Variants in CCDC148 observed in about 807,000 individuals in gnomAD.
CCDC148 encodes the protein coiled-coil domain-containing protein 148.
Under a neutral mutation model 85.7 loss-of-function variants are expected in CCDC148, and 89 were observed. The observed-to-expected ratio is 1.04, with a 90% CI of 0.87 to 1.24. The LOEUF (loss-of-function observed/expected upper bound fraction) is 1.24. Among genes scored for constraint, CCDC148 ranks in the 50% most tolerant of loss-of-function variants. The pLI is 0.00. For synonymous variants in CCDC148, 230 were observed against 213.9 expected (o/e 1.08, Z -0.66); for missense variants, 692 against 671.7 (o/e 1.03, Z -0.33).
At chr2:158,334,644 C>G (rs1388683040) in intron 7 of CCDC148, among the ~76,000 whole-genome samples, 1 of 151,984 alleles carries the variant, frequency 6.6e-6, no homozygotes, top group East Asian at 1.9e-4. Flanking sequence ...TGCCTATTAT[C>G]TAATGCTATC....
chr2:158,312,196 A>AC (rs1321932777), intron 8 of CCDC148, among the ~76,000 whole-genome samples: 1 of 152,224 alleles, frequency 6.6e-6, no homozygotes, highest in Non-Finnish European at 1.5e-5. Context: ...TCTCACTTAA[A>AC]CTAAGTATCA....
rs1245742522 is a variant in CCDC148 at position 158,176,502 on chromosome 2, T to C, written c.1629+19A>G. 14 of 1,608,290 alleles carry C rather than the reference T, an allele frequency of 8.7e-6. No homozygotes were observed. The highest frequency in any genetic ancestry group is 4.4e-5 in the South Asian group (4 of 90,820). On this transcript the variant is annotated intron_variant, in intron 13 of 13. Transcript: ENST00000283233. Reference sequence around the variant, plus strand: ...ATCATCATGGCTTTTTCATCAGTCATGCTAATTTCCATAATTACCTGCTGT... The same window carrying C: ...ATCATCATGGCTTTTTCATCAGTCACGCTAATTTCCATAATTACCTGCTGT...
chr2:158,180,417 T>C (rs1684840808), intron 11 of CCDC148, among the ~76,000 whole-genome samples: 1 of 152,018 alleles, frequency 6.6e-6, no homozygotes, highest in Non-Finnish European at 1.5e-5. Context: ...CCACTGAGAA[T>C]TTGGAGAAAG....
chr2:158,432,324 C>G (rs893969771), intron 1 of CCDC148, among the ~76,000 whole-genome samples: 2 of 151,552 alleles, frequency 1.3e-5, no homozygotes, highest in African/African-American at 4.8e-5. Flanking sequence ...AATTAAAAGG[C>G]AGAGATTGTC....
intron 1 of CCDC148, among the ~76,000 whole-genome samples, chr2:158,413,800 C>T (rs2105316891): frequency 6.6e-6 from 1 of 152,264 alleles, no homozygotes; most frequent in Admixed American, 6.5e-5. Flanking sequence ...AGGCTGCTGG[C>T]CAGATTTGTC....
intron 12 of CCDC148, 135 bp downstream of exon 12, chr2:158,178,744 A>AGTAT: frequency 3.2e-6 from 2 of 631,438 alleles, no homozygotes; most frequent in Non-Finnish European, 5.6e-6. Flanking sequence ...AATGAACAGC[A>AGTAT]GTATCCCCAT....
intron 7 of CCDC148, among the ~76,000 whole-genome samples, chr2:158,337,126 GA>G (rs1415048964): frequency 5.3e-5 from 8 of 152,144 alleles, no homozygotes; most frequent in African/African-American, 1.9e-4. Context: ...AAGAAAGAAG[GA>G]AAATGGGCTG....
At chr2:158,443,420 T>C (rs1408802311) in intron 1 of CCDC148, among the ~76,000 whole-genome samples, 2 of 147,614 alleles carry the variant, frequency 1.4e-5, no homozygotes, top group South Asian at 2.1e-4. Flanking sequence ...GGCGGGATCA[T>C]TTGAGCCTGG....
chr2:158,187,153 C>A (rs1379956104), intron 11 of CCDC148, among the ~76,000 whole-genome samples: 1 of 151,976 alleles, frequency 6.6e-6, no homozygotes, highest in Admixed American at 6.6e-5. Flanking sequence ...GCATTCATTT[C>A]CTCAATATGC....
intron 9 of CCDC148, among the ~76,000 whole-genome samples, chr2:158,253,289 A>G (rs558344507): frequency 6.6e-6 from 1 of 151,656 alleles, no homozygotes; most frequent in Admixed American, 6.6e-5. Context: ...ACTACCAACA[A>G]ATGCCCCCCT....
chr2:158,205,648 A>G (rs1164978191), intron 11 of CCDC148, among the ~76,000 whole-genome samples: 2 of 152,092 alleles, frequency 1.3e-5, no homozygotes, highest in African/African-American at 4.8e-5. Context: ...CCACATTAAA[A>G]AAGACAATCA....
In CCDC148 at chr2:158,263,497, G is replaced by A. The variant is rs139306068; in HGVS notation, c.1111-12585C>T. Among the ~76,000 whole-genome samples the A allele has an allele frequency of 2.0e-5, 3 of 151,988 alleles. No individual in the cohort carries two copies. In the East Asian group the frequency reaches 5.8e-4, roughly 29 times the overall value. ...TGGGGACAAGGTGTATGCCAATTTT[G>A]TAATCCATAAAATCTACCACATGCT... On this transcript the variant is annotated intron_variant, in intron 9 of 13. Coordinates refer to ENST00000283233, the MANE Select transcript of CCDC148 (RefSeq NM_138803.4).
At chr2:158,226,057 G>A (rs1250269270) in intron 10 of CCDC148, among the ~76,000 whole-genome samples, 1 of 152,114 alleles carries the variant, frequency 6.6e-6, no homozygotes, top group Non-Finnish European at 1.5e-5. Context: ...TAGACTGCTA[G>A]CAAGACTAAT....
At chr2:158,176,954 A>C (rs1220004947) in intron 12 of CCDC148, among the ~76,000 whole-genome samples, 1 of 152,120 alleles carries the variant, frequency 6.6e-6, no homozygotes, top group Non-Finnish European at 1.5e-5. Context: ...TCTGATATGA[A>C]GTCACAGGAA....
intron 11 of CCDC148, among the ~76,000 whole-genome samples, chr2:158,198,898 G>C (rs970984230): frequency 6.6e-6 from 1 of 152,164 alleles, no homozygotes; most frequent in African/African-American, 2.4e-5. Context: ...TATGATGAGG[G>C]AAATCAAACA....
chr2:158,446,414 T>C (rs1374951874), intron 1 of CCDC148, among the ~76,000 whole-genome samples: 3 of 152,040 alleles, frequency 2.0e-5, no homozygotes, highest in Non-Finnish European at 4.4e-5. Context: ...TCTTTTTCTC[T>C]AGTAAATTTC....
chr2:158,435,913 A>C (rs765231783), intron 1 of CCDC148, among the ~76,000 whole-genome samples: 13 of 152,254 alleles, frequency 8.5e-5, no homozygotes, highest in Non-Finnish European at 1.9e-4. Context: ...GATCAATTCA[A>C]CAAGAAGAGC....
chr2:158,451,056 G>C (rs1318010640), intron 1 of CCDC148, among the ~76,000 whole-genome samples: 1 of 151,752 alleles, frequency 6.6e-6, no homozygotes, highest in Non-Finnish European at 1.5e-5. Flanking sequence ...CTGATTTCTT[G>C]TTCTGCCATC....
intron 11 of CCDC148, among the ~76,000 whole-genome samples, chr2:158,215,216 A>G (rs1177855093): frequency 6.6e-6 from 1 of 152,360 alleles, no homozygotes; most frequent in East Asian, 1.9e-4. Context: ...GTTGGCTATC[A>G]ATTTAGAACA....
Sources: allele counts gnomAD v4.1 joint callset (sites outside exome capture counted in the v4.1 genomes callset), GRCh38; gene constraint gnomAD v4.1.1; transcripts MANE v1.5; gene names NCBI Gene and HGNC (gene_info 2026-07-23, HGNC 2026-07-21).